LRRC46: variants seen among roughly 807,000 people sequenced by gnomAD.
LRRC46 encodes the protein leucine rich repeat containing 46.
In LRRC46, 20 loss-of-function variants were observed where a neutral mutation model predicts 28.0. The observed-to-expected ratio is 0.71, with a 90% CI of 0.50 to 1.04. LRRC46 has a LOEUF of 1.04. Ranked by LOEUF, LRRC46 falls within the 50% of genes least tolerant of loss-of-function variation. The pLI is 0.00. For synonymous variants in LRRC46, 156 were observed against 158.8 expected, an observed-to-expected ratio of 0.98 and a Z score of 0.13; for missense variants, 315 against 390.1, an observed-to-expected ratio of 0.81 and a Z score of 1.62.
In LRRC46 at chr17:47,836,665, C is replaced by T; in HGVS notation, c.596-85C>T. On this transcript the variant is annotated intron_variant, in intron 7 of 7. Transcript: ENST00000269025. This position sits in a 1 kb window ranked among gnomAD's most constrained non-coding sequence, Gnocchi z 5.8. Reference sequence around the variant, plus strand: ...CTTCCCACAAGGGACAAGGGGCCAGCCAGAGACTTCCCTGAGCCCAGGGAC... The same window carrying T: ...CTTCCCACAAGGGACAAGGGGCCAGTCAGAGACTTCCCTGAGCCCAGGGAC... 6.4e-7 allele frequency: 1 copy of T among 1,552,110 alleles called. No homozygotes were observed. Among genetic ancestry groups the T allele is most frequent in the Admixed American group, 2.1e-5 (1 of 48,532 alleles).
Position 47,831,831 on chromosome 17 carries a change from C to A in LRRC46, c.-159C>A. On this transcript the variant is annotated 5_prime_UTR_variant, in exon 1 of 8. Coordinates refer to ENST00000269025, the MANE Select transcript of LRRC46 (RefSeq NM_033413.4). ...AATTTACTGTTTTCTTCGACCTCAC[C>A]CCAGCAATTTTCTCTGAATCAACCC... 2.2e-6 allele frequency: 2 copies of A among 920,116 alleles called. No homozygotes were observed. Among genetic ancestry groups the A allele is most frequent in the Non-Finnish European group, 3.3e-6 (2 of 597,776 alleles). 57.0% of individuals were successfully genotyped at this position (920,116 alleles called of 1,614,324 possible).
At chr17:47,832,079 G>T (rs1195717555) in intron 1 of LRRC46, 21 bp from the exon 2 acceptor site, 1 of 1,613,120 alleles carries the variant, frequency 6.2e-7, no homozygotes, top group Non-Finnish European at 8.5e-7. Context: ...AAGTGTCACA[G>T]TTGGACTCAT....
At position 47,836,638 on chromosome 17, in the gene LRRC46, T is replaced by A; in HGVS notation, c.596-112T>A. 3.3e-6 allele frequency: 5 copies of A among 1,504,710 alleles called. No homozygotes were observed. Among genetic ancestry groups the A allele is most frequent in the Non-Finnish European group, 3.6e-6 (4 of 1,121,802 alleles). 93.2% of individuals were successfully genotyped at this position (1,504,710 alleles called of 1,614,324 possible). A position where few individuals can be genotyped will look rare whatever the true frequency, so the allele number is the denominator to read the frequency against. ...TCAGTCCTGGGCCCCAGCCTCAGGC[T>A]CCTTCCCACAAGGGACAAGGGGCCA... On this transcript the variant is annotated intron_variant, in intron 7 of 7. Coordinates refer to ENST00000269025, the MANE Select transcript of LRRC46 (RefSeq NM_033413.4). This position sits in a 1 kb window ranked among gnomAD's most constrained non-coding sequence, Gnocchi z 5.8.
Position 47,837,387 on chromosome 17 carries a change from T to G in LRRC46, c.*267T>G. 2.1e-6 allele frequency: 1 copy of G among 472,096 alleles called. No homozygotes were observed. The allele number at this position is 472,096 out of a possible 1,614,324, so 29.2% of individuals were successfully genotyped here. On this transcript the variant is annotated 3_prime_UTR_variant, in exon 8 of 8. Coordinates refer to ENST00000269025, the MANE Select transcript of LRRC46 (RefSeq NM_033413.4). ...GGGCAGGCATGCCTCAGGCCCCCGC[T>G]GGCTTCCTGGCTCCCACTTGGGCAG...
rs2033693322 is a variant in LRRC46, at chr17:47,836,153, A to C, written c.452+51A>C. 6.2e-7 allele frequency: 1 copy of C among 1,600,724 alleles called. No homozygotes were observed. Reference sequence around the variant, plus strand: ...GGTCATGGCTGAGCTCTACCTGCTAACTCAGCCCAGACCCCTCTCAGCCTG... The same window carrying C: ...GGTCATGGCTGAGCTCTACCTGCTACCTCAGCCCAGACCCCTCTCAGCCTG... On this transcript the variant is annotated intron_variant, in intron 6 of 7. Transcript: ENST00000269025. The surrounding 1 kb of genome is among the most constrained non-coding windows in gnomAD (Gnocchi z 5.8).
chr17:47,833,750 C>CT (rs34618388), intron 2 of LRRC46: 53,797 of 137,144 alleles, frequency 0.39, 11,839 homozygotes, highest in East Asian at 0.66. Flanking sequence ...CGCCCAGCCT[C>CT]TTTTTTTTTT....
chr17:47,837,277 G>A lies in LRRC46; in HGVS notation c.*157G>A. 4 of 992,330 alleles carry A rather than the reference G, an allele frequency of 4.0e-6. No homozygotes were observed. The highest frequency in any genetic ancestry group is 1.9e-5 in the South Asian group (1 of 52,676). The allele number at this position is 992,330 out of a possible 1,614,324, so 61.5% of individuals were successfully genotyped here. Reference sequence around the variant, plus strand: ...GGGTATCTCAGGGGAAGAAACCAGTGAAAGCTCCAGGAAACAAAATACAGA... The same window carrying A: ...GGGTATCTCAGGGGAAGAAACCAGTAAAAGCTCCAGGAAACAAAATACAGA... On this transcript the variant is annotated 3_prime_UTR_variant, in exon 8 of 8. Transcript: ENST00000269025.
chr17:47,831,805 C>T lies in LRRC46; in HGVS notation c.-185C>T. 1.3e-6 allele frequency: 1 copy of T among 742,644 alleles called. No homozygotes were observed. The highest frequency in any genetic ancestry group is 2.7e-5 in the East Asian group (1 of 37,162). 46.0% of individuals were successfully genotyped at this position (742,644 alleles called of 1,614,324 possible). A position where few individuals can be genotyped will look rare whatever the true frequency, so the allele number is the denominator to read the frequency against. ...CCCTCAAACTCCAGACCCTTCACAT[C>T]AATTTACTGTTTTCTTCGACCTCAC... is the stretch of plus-strand genomic sequence containing the variant. On this transcript the variant is annotated 5_prime_UTR_variant, in exon 1 of 8. Transcript: ENST00000269025.
chr17:47,833,327 ATTCT>A (rs368178077), intron 2 of LRRC46, among the ~76,000 whole-genome samples: 80 of 149,846 alleles, frequency 5.3e-4, no homozygotes, highest in African/African-American at 8.9e-4. Flanking sequence ...GTTTGGCCTT[ATTCT>A]TTCTTTCTTT....
chr17:47,834,224 TA>T (rs2033668158), intron 2 of LRRC46, among the ~76,000 whole-genome samples, 200 bp from the exon 3 acceptor site: 2 of 152,036 alleles, frequency 1.3e-5, no homozygotes, highest in Admixed American at 1.3e-4. Flanking sequence ...GTGCTAACAA[TA>T]GAGATACGAG....
chr17:47,834,516 A>G lies in LRRC46; in HGVS notation c.208A>G (p.Ser70Gly), dbSNP rs2033671684. The G allele has an allele frequency of 6.2e-7, 1 of 1,610,268 alleles. No individual in the cohort carries two copies. The highest frequency in any genetic ancestry group is 1.1e-5 in the South Asian group (1 of 90,946). Reference sequence around the variant, plus strand: ...CTTAGAAGGCCTCCAGAATCTTCACAGTCTCTATCTGCAAGGGGTAACTTC... The same window carrying G: ...CTTAGAAGGCCTCCAGAATCTTCACGGTCTCTATCTGCAAGGGGTAACTTC... ...RNLEGLQNLH[S>G]LYLQGNKIQQ... The change falls in exon 3 of 8, where the codon AGT becomes GGT. Residue 70 changes from serine (S) to glycine (G), a missense_variant. Coordinates refer to ENST00000269025, the MANE Select transcript of LRRC46 (RefSeq NM_033413.4).
chr17:47,831,906 TGA>T lies in LRRC46; in HGVS notation c.-82_-81del. The T allele has an allele frequency of 1.3e-6, 2 of 1,576,082 alleles. No individual in the cohort carries two copies. Among genetic ancestry groups the T allele is most frequent in the Non-Finnish European group, 1.7e-6 (2 of 1,149,288 alleles). The stretch of plus-strand genomic sequence containing the variant: ...GAGTTTCTCTCTCCTCCTGCCATCC[TGA>T]GTTCTGCCATCCTTAGGGGCCGCCA... On this transcript the variant is annotated 5_prime_UTR_variant, in exon 1 of 8. Transcript: ENST00000269025.
In LRRC46 at chr17:47,835,397, G is replaced by A. The variant is rs372384364; in HGVS notation, c.270G>A (p.Leu90=). The A allele has an allele frequency of 7.4e-6, 12 of 1,613,906 alleles. No individual in the cohort carries two copies. In the Admixed American group the frequency reaches 8.3e-5, roughly 11 times the overall value. ...QIENLACIPS[L]RFLSLAGNQI... Reference sequence around the variant, plus strand: ...AGAACCTGGCTTGCATCCCCTCCTTGCGGTATGTGGTGCCAGGGCTCAGGC... The same window carrying A: ...AGAACCTGGCTTGCATCCCCTCCTTACGGTATGTGGTGCCAGGGCTCAGGC... The change falls in exon 4 of 8, where the codon TTG becomes TTA. Residue 90 remains leucine, a splice_region_variant and synonymous_variant. Transcript: ENST00000269025.
At chr17:47,834,563 C>T in intron 3 of LRRC46, 30 bp downstream of exon 3, 1 of 1,481,446 alleles carries the variant, frequency 6.8e-7, no homozygotes. Context: ...TTCCCCTCCC[C>T]TTGACCCCTG....
chr17:47,835,974 A>G (rs1215340280), intron 5 of LRRC46, 59 bp from the exon 6 acceptor site: 132 of 1,584,170 alleles, frequency 8.3e-5, no homozygotes, highest in Middle Eastern at 1.7e-4. Flanking sequence ...CCATCGCTTC[A>G]TGGTCTTTTG....
Position 47,836,221 on chromosome 17 carries a change from T to A in LRRC46, c.453-112T>A. ...CCATGACACCTTCTCCCCCACCTCC[T>A]ACCTAGCTCATGAGCCACCACCCCT... On this transcript the variant is annotated intron_variant, in intron 6 of 7. Coordinates refer to ENST00000269025, the MANE Select transcript of LRRC46 (RefSeq NM_033413.4). The surrounding 1 kb of genome is among the most constrained non-coding windows in gnomAD (Gnocchi z 5.8). 1 of 1,576,660 alleles carries A rather than the reference T, an allele frequency of 6.3e-7. No individual in the cohort carries two copies. Among genetic ancestry groups the A allele is most frequent in the African/African-American group, 1.3e-5 (1 of 74,334 alleles).
intron 3 of LRRC46, 32 bp downstream of exon 3, chr17:47,834,565 T>G (rs760589874): frequency 4.8e-6 from 7 of 1,456,966 alleles, no homozygotes; most frequent in Non-Finnish European, 6.7e-6. Flanking sequence ...CCCCTCCCCT[T>G]GACCCCTGTG....
intron 2 of LRRC46, among the ~76,000 whole-genome samples, chr17:47,833,390 C>CCTT (rs762564512): frequency 6.6e-6 from 1 of 151,232 alleles, no homozygotes; most frequent in Non-Finnish European, 1.5e-5. Context: ...CCTCCTTCTT[C>CCTT]CTTTCCCCTG....
intron 2 of LRRC46, among the ~76,000 whole-genome samples, chr17:47,833,197 T>C (rs766473807): frequency 5.9e-5 from 9 of 152,114 alleles, no homozygotes; most frequent in African/African-American, 1.2e-4. Flanking sequence ...GGCTAATGCC[T>C]ACTCATCTGT....
Sources: gnomAD v4.1 joint callset for allele counts (sites outside exome capture counted in the v4.1 genomes callset) on GRCh38, gnomAD v4.1.1 for gene constraint, Gnocchi (gnomAD v3.1) non-coding constraint, MANE v1.5 for transcripts, NCBI Gene and HGNC (gene_info 2026-07-23, HGNC 2026-07-21) for gene names.